The following CSMD1 variants were observed in gnomAD, a reference collection of about 807,000 sequenced individuals.
CSMD1 encodes CUB and sushi domain-containing protein 1.
CSMD1 carries 213 observed loss-of-function variants against 417.5 expected under a neutral mutation model. The observed-to-expected ratio is 0.51, with a 90% CI of 0.46 to 0.57. The LOEUF (loss-of-function observed/expected upper bound fraction) is 0.57, where lower values mean the gene tolerates loss of function less well. Among genes scored for constraint, CSMD1 ranks in the 20% least tolerant of loss-of-function variants. The pLI, the probability that CSMD1 is intolerant of heterozygous loss-of-function variation, is 0.00. For synonymous variants in CSMD1, 2,862 were observed against 1,736.8 expected (o/e 1.65, Z -16.11); for missense variants, 6,923 against 4,529.7 (o/e 1.53, Z -15.17).
chr8:3,645,754 G>A (rs772392880), intron 7 of CSMD1, among the ~76,000 whole-genome samples: 2 of 152,142 alleles, frequency 1.3e-5, no homozygotes, highest in African/African-American at 4.8e-5. Context: ...CAAAAGTTAG[G>A]TTATTATAAG....
chr8:3,973,425 T>C (rs73658514), intron 5 of CSMD1, among the ~76,000 whole-genome samples: 1 of 152,242 alleles, frequency 6.6e-6, no homozygotes, highest in Admixed American at 6.5e-5. Context: ...GTGAAGTTTA[T>C]GCAAATTATA....
chr8:3,853,019 T>C (rs1270498048), intron 5 of CSMD1, among the ~76,000 whole-genome samples: 1 of 152,130 alleles, frequency 6.6e-6, no homozygotes, highest in East Asian at 1.9e-4. Context: ...GTCCCCAACA[T>C]CCAACTACAT....
intron 2 of CSMD1, among the ~76,000 whole-genome samples, chr8:4,464,438 A>G (rs554146820): frequency 2.0e-4 from 31 of 152,328 alleles, no homozygotes; most frequent in African/African-American, 7.5e-4. Context: ...AAACACACTC[A>G]GAACACGCAC....
chr8:4,187,296 C>A (rs1450791357), intron 3 of CSMD1, among the ~76,000 whole-genome samples: 1 of 152,120 alleles, frequency 6.6e-6, no homozygotes, highest in Non-Finnish European at 1.5e-5. Context: ...CTCTTTCAGT[C>A]ATAGGAAAGG....
At chr8:3,384,780 TAATA>T (rs1425721754) in intron 18 of CSMD1, among the ~76,000 whole-genome samples, 3 of 121,670 alleles carry the variant, frequency 2.5e-5, no homozygotes, top group Non-Finnish European at 4.8e-5. Flanking sequence ...TATATTTATA[TAATA>T]TATATTAATA....
chr8:4,362,170 AC>A (rs1801805083), intron 3 of CSMD1, among the ~76,000 whole-genome samples: 2 of 152,210 alleles, frequency 1.3e-5, no homozygotes, highest in Non-Finnish European at 2.9e-5. Context: ...TTACATGAGT[AC>A]AGTGAAGAAA....
intron 1 of CSMD1, among the ~76,000 whole-genome samples, chr8:4,729,848 G>A (rs1470292395): frequency 1.3e-5 from 2 of 152,176 alleles, no homozygotes; most frequent in Non-Finnish European, 2.9e-5. Context: ...ATACTCCTAA[G>A]TCCTAATCTT....
At chr8:4,970,316 G>A (rs956774869) in intron 1 of CSMD1, among the ~76,000 whole-genome samples, 2 of 152,102 alleles carry the variant, frequency 1.3e-5, no homozygotes, top group African/African-American at 4.8e-5. Flanking sequence ...ATAAGTAAAT[G>A]TGGCAAGGGG....
rs574068553 is a variant in CSMD1, at chr8:3,428,964, C to T, written c.1562-19359G>A. On this transcript the variant is annotated intron_variant, in intron 12 of 69. Coordinates refer to ENST00000635120, the MANE Select transcript of CSMD1 (RefSeq NM_033225.6). ...GAAAGACAAGCACATCATCATCTCA[C>T]TTTTACGGAGAACCTCAGAAAACTG... 9.9e-5 allele frequency among the ~76,000 whole-genome samples: 15 copies of T among 152,270 alleles called. No individual in the cohort carries two copies. The East Asian group carries it at 1.4e-3, about 14-fold the overall frequency.
intron 2 of CSMD1, among the ~76,000 whole-genome samples, chr8:4,448,406 C>T (rs1298604112): frequency 6.6e-6 from 1 of 152,118 alleles, no homozygotes; most frequent in African/African-American, 2.4e-5. Flanking sequence ...TTTCAGTAAC[C>T]CTGTGTGCCC....
chr8:4,028,816 G>T (rs1045383011), intron 4 of CSMD1, among the ~76,000 whole-genome samples: 1 of 152,184 alleles, frequency 6.6e-6, no homozygotes, highest in African/African-American at 2.4e-5. Flanking sequence ...ATCTCATTAA[G>T]ACCTCAATAA....
intron 6 of CSMD1, among the ~76,000 whole-genome samples, chr8:3,753,349 T>C (rs1037854280): frequency 6.6e-6 from 1 of 152,226 alleles, no homozygotes; most frequent in Non-Finnish European, 1.5e-5. Context: ...TGATACAATA[T>C]GATCTAGGTA....
chr8:4,463,270 C>G (rs1799951454), intron 2 of CSMD1, among the ~76,000 whole-genome samples: 1 of 151,958 alleles, frequency 6.6e-6, no homozygotes, highest in Non-Finnish European at 1.5e-5. Context: ...TAGGTACCAT[C>G]AAAAAGACAG....
At chr8:3,756,427 T>C (rs2466284) in intron 5 of CSMD1, among the ~76,000 whole-genome samples, 36,348 of 151,748 alleles carry the variant, frequency 0.24, 4,776 homozygotes, top group East Asian at 0.44. Context: ...AAATATCACA[T>C]ACAAAAAACG....
chr8:3,471,346 T>C (rs1417282157), intron 11 of CSMD1, among the ~76,000 whole-genome samples: 2 of 152,206 alleles, frequency 1.3e-5, no homozygotes, highest in Non-Finnish European at 2.9e-5. Context: ...GTAGTACAGA[T>C]ACCAGTCCTT....
intron 3 of CSMD1, among the ~76,000 whole-genome samples, chr8:4,317,627 G>C (rs1585220312): frequency 1.7e-5 from 2 of 117,324 alleles, no homozygotes; most frequent in South Asian, 5.6e-4. Context: ...AAGAGAGAGA[G>C]AGAGAGACAA....
rs562912129 is a variant in CSMD1 at position 3,946,281 on chromosome 8, G to C, written c.818+51622C>G. ...CCATATTAGAGAACACAGTAAACTA[G>C]TCTCATCTCCTCAGTGGAAGTGTTA... On this transcript the variant is annotated intron_variant, in intron 5 of 69. Transcript: ENST00000635120. Among the ~76,000 whole-genome samples the C allele has an allele frequency of 3.3e-5, 5 of 152,162 alleles. No homozygotes were observed. In the East Asian group the frequency reaches 5.8e-4, roughly 18 times the overall value.
At chr8:3,405,895 G>C (rs1025753356) in intron 15 of CSMD1, 132 bp downstream of exon 15, 3 of 780,796 alleles carry the variant, frequency 3.8e-6, no homozygotes, top group African/African-American at 3.5e-5. Flanking sequence ...CACTCCTGTT[G>C]GTTAAGTGAC....
chr8:3,630,086 C>G (rs895788958), intron 7 of CSMD1, among the ~76,000 whole-genome samples: 2 of 152,210 alleles, frequency 1.3e-5, no homozygotes, highest in African/African-American at 2.4e-5. Context: ...GGAAATAACA[C>G]TTTAAAAGAG....
Sources: gnomAD v4.1 joint callset for allele counts (sites outside exome capture counted in the v4.1 genomes callset) on GRCh38, gnomAD v4.1.1 for gene constraint, MANE v1.5 for transcripts, NCBI Gene and HGNC (gene_info 2026-07-23, HGNC 2026-07-21) for gene names.